The following EIF2AK2 variants were observed in gnomAD, a reference collection of about 807,000 sequenced individuals.
EIF2AK2 encodes the protein eukaryotic translation initiation factor 2 alpha kinase 2, also known as interferon-induced, double-stranded RNA-activated protein kinase.
EIF2AK2 carries 40 observed loss-of-function variants against 70.5 expected under a neutral mutation model. The observed-to-expected ratio is 0.57, with a 90% CI of 0.44 to 0.74. The LOEUF is 0.74. Among genes scored for constraint, EIF2AK2 ranks in the 30% least tolerant of loss-of-function variants. EIF2AK2 has a pLI of 0.00. For synonymous variants in EIF2AK2, 198 were observed against 220.9 expected (o/e 0.90, Z 0.92); for missense variants, 555 against 644.3 (o/e 0.86, Z 1.50).
At chr2:37,147,348 G>T (rs945664826) in intron 3 of EIF2AK2, among the ~76,000 whole-genome samples, 2 of 151,326 alleles carry the variant, frequency 1.3e-5, no homozygotes, top group Non-Finnish European at 2.9e-5. Context: ...TAAGTTTTAG[G>T]GTACATGTGC....
chr2:37,107,538 A>T lies in EIF2AK2; in HGVS notation c.1480-11T>A, dbSNP rs751156651. On this transcript the variant is annotated splice_polypyrimidine_tract_variant and intron_variant, in intron 15 of 16. Transcript: ENST00000233057. ...TAGGTCTGTGAAAAACTGGAAAAAA[A>T]AATGATAGGTGTATATTAGGAAATT... 2 of 1,609,148 alleles carry T rather than the reference A, an allele frequency of 1.2e-6. No homozygotes were observed. The highest frequency in any genetic ancestry group is 1.7e-5 in the Admixed American group (1 of 59,100).
intron 3 of EIF2AK2, 110 bp downstream of exon 3, chr2:37,147,578 C>A (rs1675598468): frequency 1.6e-6 from 1 of 612,716 alleles, no homozygotes; most frequent in East Asian, 3.7e-5. Flanking sequence ...TTTTTTTGTC[C>A]TTGCGATAGT....
At position 37,100,048 on chromosome 2, in the gene EIF2AK2, C is replaced by T. The variant is rs1387128558; in HGVS notation, c.*7225G>A. On this transcript the variant is annotated 3_prime_UTR_variant, in exon 17 of 17. Coordinates refer to ENST00000233057, the MANE Select transcript of EIF2AK2 (RefSeq NM_001135651.3). The stretch of plus-strand genomic sequence containing the variant: ...GGGGGTGAGAAAAATGATAGTTGCA[C>T]AACTCTGAATATAGTAAACACTACT... 1 of 151,974 alleles carries T rather than the reference C, an allele frequency of 6.6e-6. No homozygotes were observed. Among genetic ancestry groups the T allele is most frequent in the East Asian group, 1.9e-4 (1 of 5,194 alleles). 9.4% of individuals were successfully genotyped at this position (151,974 alleles called of 1,614,324 possible). A position where few individuals can be genotyped will look rare whatever the true frequency, so the allele number is the denominator to read the frequency against.
intron 2 of EIF2AK2, 111 bp from the exon 3 acceptor site, chr2:37,147,933 C>T (rs146128163): frequency 1.6e-6 from 1 of 614,768 alleles, no homozygotes; most frequent in East Asian, 2.7e-5. Flanking sequence ...CTTTATAGGA[C>T]TCATCTCAGT....
intron 10 of EIF2AK2, among the ~76,000 whole-genome samples, chr2:37,131,779 C>A (rs77889379): frequency 0.037 from 5,701 of 152,246 alleles, 151 homozygotes; most frequent in Middle Eastern, 0.058. Flanking sequence ...TGTGATGATA[C>A]CCACTGTCTT....
At position 37,105,062 on chromosome 2, in the gene EIF2AK2, G is replaced by GA. The variant is rs1034708092; in HGVS notation, c.*2210dup. ...TAGCATCTATTGATGAACGTTACGT[G>GA]AAAAATCTATGAACTGCTCTTTATG... On this transcript the variant is annotated 3_prime_UTR_variant, in exon 17 of 17. Coordinates refer to ENST00000233057, the MANE Select transcript of EIF2AK2 (RefSeq NM_001135651.3). 1 of 152,172 alleles carries GA rather than the reference G, an allele frequency of 6.6e-6. No individual in the cohort carries two copies. The allele number at this position is 152,172 out of a possible 1,614,324, so 9.4% of individuals were successfully genotyped here.
At chr2:37,130,381 G>C (rs1280083596) in intron 10 of EIF2AK2, among the ~76,000 whole-genome samples, 1 of 152,126 alleles carries the variant, frequency 6.6e-6, no homozygotes, top group African/African-American at 2.4e-5. Context: ...CGGATTACAG[G>C]CGTGAGGCAC....
intron 10 of EIF2AK2, among the ~76,000 whole-genome samples, chr2:37,130,994 G>T (rs1674920309): frequency 6.6e-6 from 1 of 152,162 alleles, no homozygotes. Flanking sequence ...AATTCCACTA[G>T]CATGAAAGCA....
At chr2:37,107,763 T>G (rs1487732807) in intron 15 of EIF2AK2, among the ~76,000 whole-genome samples, 1 of 152,140 alleles carries the variant, frequency 6.6e-6, no homozygotes, top group African/African-American at 2.4e-5. Context: ...CCTTCATGCA[T>G]TTTGGAACCC....
chr2:37,146,581 C>G (rs905623713), intron 4 of EIF2AK2, among the ~76,000 whole-genome samples: 4 of 152,202 alleles, frequency 2.6e-5, no homozygotes, highest in African/African-American at 9.6e-5. Flanking sequence ...CCACTGAACA[C>G]TTCTCACCTT....
chr2:37,132,860 A>G (rs1015602152), intron 10 of EIF2AK2, among the ~76,000 whole-genome samples: 4 of 152,148 alleles, frequency 2.6e-5, no homozygotes, highest in African/African-American at 9.7e-5. Flanking sequence ...TGCCCCCAGT[A>G]AAAAAGGTTC....
intron 4 of EIF2AK2, among the ~76,000 whole-genome samples, chr2:37,145,603 G>C (rs1257710336): frequency 1.3e-5 from 2 of 152,190 alleles, no homozygotes; most frequent in East Asian, 3.9e-4. Flanking sequence ...TGTTTATAAA[G>C]TCTACAGTGG....
At position 37,120,102 on chromosome 2, in the gene EIF2AK2, A is replaced by G; in HGVS notation, c.1105T>C (p.Cys369Arg). Residue 369 changes from cysteine (C) to arginine (R), a missense_variant, in exon 13 of 17, where the codon TGT (cysteine) becomes CGT (arginine). Cys to Arg is a radical substitution (Grantham distance 180). Transcript: ENST00000233057. ...TKCLFIQMEF[C>R]DKGTLEQWIE... ...CATTGTTCCAAGGTCCCTTTATCAC[A>G]GAATTCCATTTGGATGAAAAGGCAC... 6.7e-7 allele frequency: 1 copy of G among 1,483,252 alleles called. No individual in the cohort carries two copies. Among genetic ancestry groups the G allele is most frequent in the South Asian group, 1.5e-5 (1 of 66,414 alleles). The allele number at this position is 1,483,252 out of a possible 1,614,324, so 91.9% of individuals were successfully genotyped here.
In EIF2AK2 at chr2:37,149,028, T is replaced by TA; in HGVS notation, c.-183-6dup. 1 of 975,290 alleles carries TA rather than the reference T, an allele frequency of 1.0e-6. No individual in the cohort carries two copies. Among genetic ancestry groups the TA allele is most frequent in the Non-Finnish European group, 1.7e-6 (1 of 596,472 alleles). The allele number at this position is 975,290 out of a possible 1,614,324, so 60.4% of individuals were successfully genotyped here. A position where few individuals can be genotyped will look rare whatever the true frequency, so the allele number is the denominator to read the frequency against. On this transcript the variant is annotated splice_polypyrimidine_tract_variant and splice_region_variant and intron_variant, in intron 1 of 16. Coordinates refer to ENST00000233057, the MANE Select transcript of EIF2AK2 (RefSeq NM_001135651.3). ...AAACTGAATTTGCTCCAGAAACTGG[T>TA]AAAAGAGAAAAAAGAAGGCTTAAAA...
intron 14 of EIF2AK2, among the ~76,000 whole-genome samples, chr2:37,110,951 A>G (rs370854858): frequency 6.6e-6 from 1 of 152,274 alleles, no homozygotes; most frequent in Non-Finnish European, 1.5e-5. Flanking sequence ...TGGTGTATAC[A>G]TACAATGGAA....
At chr2:37,114,710 C>T in intron 14 of EIF2AK2, 21 bp downstream of exon 14, 1 of 1,521,808 alleles carries the variant, frequency 6.6e-7, no homozygotes, top group East Asian at 2.4e-5. Flanking sequence ...AAAATATAGA[C>T]AGACAGGAAA....
chr2:37,119,256 A>T (rs1195696412), intron 13 of EIF2AK2, among the ~76,000 whole-genome samples: 2 of 152,210 alleles, frequency 1.3e-5, no homozygotes, highest in East Asian at 3.9e-4. Flanking sequence ...CCAGTCCGGG[A>T]TTACCGCAAT....
chr2:37,141,003 G>C (rs960138849), intron 5 of EIF2AK2, among the ~76,000 whole-genome samples: 1 of 152,114 alleles, frequency 6.6e-6, no homozygotes, highest in Non-Finnish European at 1.5e-5. Flanking sequence ...CACTGGTGAT[G>C]TTCTCAGTAA....
intron 8 of EIF2AK2, 111 bp downstream of exon 8, chr2:37,138,159 G>A (rs553151038): frequency 3.9e-6 from 3 of 765,774 alleles, no homozygotes; most frequent in South Asian, 4.2e-5. Flanking sequence ...TAGTAAGAGT[G>A]CATAAGATAA....
Sources: allele counts gnomAD v4.1 joint callset (sites outside exome capture counted in the v4.1 genomes callset), GRCh38; gene constraint gnomAD v4.1.1; transcripts MANE v1.5; gene names NCBI Gene and HGNC (gene_info 2026-07-23, HGNC 2026-07-21).